Variants in EPHA6 observed in about 807,000 individuals in gnomAD.
EPHA6 encodes the protein ephrin type-A receptor 6.
EPHA6 carries 50 observed loss-of-function variants against 112.0 expected under a neutral mutation model. The observed-to-expected ratio is 0.45, with a 90% confidence interval of 0.36 to 0.56. The LOEUF (loss-of-function observed/expected upper bound fraction) is 0.56. Ranked by LOEUF, EPHA6 falls within the 20% of genes least tolerant of loss-of-function variation. The probability of loss-of-function intolerance (pLI) is 0.00; values close to 1 mark genes in which losing one functional copy is unlikely to be tolerated. For synonymous variants in EPHA6, 529 were observed against 490.7 expected (o/e 1.08, Z -1.03); for missense variants, 1,280 against 1,417.4 (o/e 0.90, Z 1.56).
chr3:96,902,745 C>T (rs906946897), intron 2 of EPHA6, among the ~76,000 whole-genome samples: 11 of 152,144 alleles, frequency 7.2e-5, no homozygotes, highest in Non-Finnish European at 1.6e-4. Context: ...TGCCTTTTCT[C>T]CCCTTCCTTT....
At chr3:97,019,170 A>G in intron 3 of EPHA6, among the ~76,000 whole-genome samples, 1 of 152,180 alleles carries the variant, frequency 6.6e-6, no homozygotes, top group Non-Finnish European at 1.5e-5. Flanking sequence ...TTCTTATTTT[A>G]TATTTTATTA....
intron 1 of EPHA6, among the ~76,000 whole-genome samples, chr3:96,815,840 A>G (rs2032733549): frequency 6.6e-6 from 1 of 152,184 alleles, no homozygotes; most frequent in Admixed American, 6.5e-5. Flanking sequence ...AAAGATCTAT[A>G]AAAAGTACCA....
Position 97,532,270 on chromosome 3 carries a change from A to T in EPHA6, c.2201-88A>T, listed in dbSNP as rs2092704023. On this transcript the variant is annotated intron_variant, in intron 10 of 17. Transcript: ENST00000389672. ...AACATACTTAAGAGTCATTATGTGAAAAAAGTATGTCACTGTATGACAGTT... is the reference window on the plus strand; with the variant it reads ...AACATACTTAAGAGTCATTATGTGATAAAAGTATGTCACTGTATGACAGTT... 4 of 1,179,350 alleles carry T rather than the reference A, an allele frequency of 3.4e-6. No homozygotes were observed. In the East Asian group the frequency reaches 9.7e-5, roughly 29 times the overall value. 73.1% of individuals were successfully genotyped at this position (1,179,350 alleles called of 1,614,324 possible).
At chr3:97,264,554 C>G (rs970076701) in intron 5 of EPHA6, among the ~76,000 whole-genome samples, 1 of 152,206 alleles carries the variant, frequency 6.6e-6, no homozygotes, top group Non-Finnish European at 1.5e-5. Flanking sequence ...GGTCTGGACT[C>G]CTCGAAGGCC....
At position 96,994,732 on chromosome 3, in the gene EPHA6, T is replaced by TATATATAGAG. The variant is rs1170197805; in HGVS notation, c.1114+6740_1114+6741insTATATAGAGA. On this transcript the variant is annotated intron_variant, in intron 3 of 17. Coordinates refer to ENST00000389672, the MANE Select transcript of EPHA6 (RefSeq NM_001080448.3). ...GTGTATATATATATATATATATATA[T>TATATATAGAG]AGAGAGAGAGAGAGAGAGAGAGAGA... 5.4e-3 allele frequency among the ~76,000 whole-genome samples: 440 copies of TATATATAGAG among 82,170 alleles called. 10 individuals carry two copies. Among genetic ancestry groups the TATATATAGAG allele is most frequent in the Admixed American group, 0.037 (244 of 6,648 alleles). 53.9% of individuals were successfully genotyped at this position (82,170 alleles called of 152,430 possible).
At chr3:96,879,389 C>T (rs145459821) in intron 2 of EPHA6, among the ~76,000 whole-genome samples, 8 of 152,098 alleles carry the variant, frequency 5.3e-5, no homozygotes, top group Non-Finnish European at 1.0e-4. Context: ...AACTCATGTG[C>T]AGAGTCTAGA....
chr3:97,562,781 CTTTAT>C (rs2093209534), intron 11 of EPHA6, among the ~76,000 whole-genome samples: 1 of 152,056 alleles, frequency 6.6e-6, no homozygotes, highest in Non-Finnish European at 1.5e-5. Flanking sequence ...GTGTGGCTAG[CTTTAT>C]TGTTGTCTTA....
intron 2 of EPHA6, among the ~76,000 whole-genome samples, chr3:96,959,905 G>A: frequency 6.6e-6 from 1 of 152,010 alleles, no homozygotes; most frequent in South Asian, 2.1e-4. Flanking sequence ...GAATAGAATT[G>A]GGATGAGTAG....
intron 3 of EPHA6, among the ~76,000 whole-genome samples, chr3:97,037,780 G>A (rs1165973771): frequency 1.3e-5 from 2 of 152,010 alleles, no homozygotes; most frequent in Non-Finnish European, 2.9e-5. Context: ...GAGGATATAT[G>A]TCTAAGCTAA....
At chr3:97,558,703 T>A (rs1003624552) in intron 11 of EPHA6, among the ~76,000 whole-genome samples, 6 of 152,038 alleles carry the variant, frequency 3.9e-5, no homozygotes, top group Non-Finnish European at 8.8e-5. Context: ...CAAGTGCTTT[T>A]AGGAAGCAGT....
At chr3:97,276,814 A>G (rs1449267936) in intron 5 of EPHA6, among the ~76,000 whole-genome samples, 1 of 152,070 alleles carries the variant, frequency 6.6e-6, no homozygotes, top group Non-Finnish European at 1.5e-5. Context: ...CCTAAACACT[A>G]ACTGATTTGG....
chr3:97,006,068 C>T (rs1576306103), intron 3 of EPHA6, among the ~76,000 whole-genome samples: 1 of 152,102 alleles, frequency 6.6e-6, no homozygotes, highest in East Asian at 1.9e-4. Flanking sequence ...GGATATTGGC[C>T]TGAAGTTTTC....
intron 3 of EPHA6, among the ~76,000 whole-genome samples, chr3:97,040,798 G>T (rs1048075782): frequency 6.6e-6 from 1 of 151,940 alleles, no homozygotes; most frequent in Non-Finnish European, 1.5e-5. Context: ...TTAACCATTT[G>T]CCCTCTTCTT....
chr3:97,649,952 A>G (rs2094095741), intron 14 of EPHA6, among the ~76,000 whole-genome samples: 2 of 152,152 alleles, frequency 1.3e-5, no homozygotes, highest in South Asian at 4.1e-4. Flanking sequence ...TGTTTGATAG[A>G]TTAATTCATG....
chr3:97,286,337 T>G (rs2080464011), intron 5 of EPHA6, among the ~76,000 whole-genome samples: 1 of 152,194 alleles, frequency 6.6e-6, no homozygotes, highest in Admixed American at 6.5e-5. Flanking sequence ...AATTTGTTCT[T>G]TATGTTTTCT....
chr3:97,224,003 A>C (rs1274821970), intron 3 of EPHA6, among the ~76,000 whole-genome samples: 2 of 152,174 alleles, frequency 1.3e-5, no homozygotes, highest in African/African-American at 2.4e-5. Context: ...GATCTGCTAA[A>C]GTACATACAG....
chr3:97,228,563 A>C (rs1442146119), intron 4 of EPHA6, among the ~76,000 whole-genome samples: 2 of 148,542 alleles, frequency 1.3e-5, no homozygotes, highest in East Asian at 3.9e-4. Context: ...ATATAATGTA[A>C]ATGTCATATA....
chr3:97,727,465 C>T (rs12633362), intron 15 of EPHA6, among the ~76,000 whole-genome samples: 9,142 of 152,056 alleles, frequency 0.06, 371 homozygotes, highest in East Asian at 0.12. Context: ...AGTCTTTCAG[C>T]CAAGAATAGT....
intron 3 of EPHA6, among the ~76,000 whole-genome samples, chr3:97,165,872 C>A (rs1045766231): frequency 2.0e-5 from 3 of 151,980 alleles, no homozygotes; most frequent in African/African-American, 7.2e-5. Flanking sequence ...GTTAAGTATT[C>A]AATAAAAAAT....
Sources: gnomAD v4.1 joint callset for allele counts (sites outside exome capture counted in the v4.1 genomes callset) on GRCh38, gnomAD v4.1.1 for gene constraint, MANE v1.5 for transcripts, NCBI Gene and HGNC (gene_info 2026-07-23, HGNC 2026-07-21) for gene names.